PXDN: variants seen among roughly 807,000 people sequenced by gnomAD.
The protein encoded by PXDN is peroxidasin, also known as peroxidasin homolog.
Under a neutral mutation model 140.3 loss-of-function variants are expected in PXDN, and 77 were observed. The ratio of observed to expected loss-of-function variants is 0.55; its 90% CI spans 0.46 to 0.66. The LOEUF (loss-of-function observed/expected upper bound fraction) is 0.66. PXDN is among the 30% of genes least tolerant of loss of function. The pLI, the probability that PXDN is intolerant of heterozygous loss-of-function variation, is 0.00. For missense variants in PXDN, 1,838 were observed against 2,039.5 expected (o/e 0.90, Z 1.90); for synonymous variants, 911 against 857.4 (o/e 1.06, Z -1.09).
At chr2:1,653,277 C>G (rs1683055441) in intron 16 of PXDN, 2 of 355,662 alleles carry the variant, frequency 5.6e-6, no homozygotes, top group Admixed American at 3.8e-5. Flanking sequence ...ACTCAGGGAG[C>G]AAGCACGCTG....
At chr2:1,672,570 T>C (rs952468065) in intron 9 of PXDN, among the ~76,000 whole-genome samples, 5 of 152,224 alleles carry the variant, frequency 3.3e-5, no homozygotes, top group Non-Finnish European at 7.3e-5. Context: ...GTGCTAAACA[T>C]GTGGAACGTT....
chr2:1,634,115 T>C lies in PXDN; in HGVS notation c.*89A>G. ...ATGAAATGTCACGAGTTCTGGGTGTTTCCTGGTCTGCAGTCCGCAGCTCCC... is the reference window on the plus strand; with the variant it reads ...ATGAAATGTCACGAGTTCTGGGTGTCTCCTGGTCTGCAGTCCGCAGCTCCC... On this transcript the variant is annotated 3_prime_UTR_variant, in exon 23 of 23. Transcript: ENST00000252804. 6 of 1,512,234 alleles carry C rather than the reference T, an allele frequency of 4.0e-6. No homozygotes were observed. Among genetic ancestry groups the C allele is most frequent in the Non-Finnish European group, 5.4e-6 (6 of 1,120,250 alleles). The allele number at this position is 1,512,234 out of a possible 1,614,324, so 93.7% of individuals were successfully genotyped here. A position where few individuals can be genotyped will look rare whatever the true frequency, so the allele number is the denominator to read the frequency against.
At chr2:1,691,470 A>G (rs559263873) in intron 3 of PXDN, among the ~76,000 whole-genome samples, 3 of 152,376 alleles carry the variant, frequency 2.0e-5, no homozygotes, top group South Asian at 2.1e-4. Flanking sequence ...GGAGACAGGA[A>G]AATCTGCAGG....
rs113304772 is a variant in PXDN, at chr2:1,706,679, C to T, written c.201-13545G>A. Among the ~76,000 whole-genome samples, 3 of 81,532 alleles carry T rather than the reference C, an allele frequency of 3.7e-5. 1 individual carries two copies. Among genetic ancestry groups the T allele is most frequent in the Admixed American group, 2.0e-4 (2 of 10,080 alleles). 53.5% of individuals were successfully genotyped at this position (81,532 alleles called of 152,430 possible). Reference sequence around the variant, plus strand: ...GTGTTCACCAATCAGCTCTAAGCATCGCCTGCCCCACTAATAATACAACCT... The same window carrying T: ...GTGTTCACCAATCAGCTCTAAGCATTGCCTGCCCCACTAATAATACAACCT... On this transcript the variant is annotated intron_variant, in intron 1 of 22. Transcript: ENST00000252804.
chr2:1,729,318 C>T (rs576523356), intron 1 of PXDN, among the ~76,000 whole-genome samples: 43 of 152,260 alleles, frequency 2.8e-4, no homozygotes, highest in African/African-American at 1.0e-3. Flanking sequence ...GGGTCAGAGA[C>T]GGTGCCTTCA....
At position 1,716,476 on chromosome 2, in the gene PXDN, G is replaced by T. The variant is rs1684899117; in HGVS notation, c.201-23342C>A. 2.7e-5 allele frequency among the ~76,000 whole-genome samples: 4 copies of T among 145,942 alleles called. No individual in the cohort carries two copies. The South Asian group carries it at 8.7e-4, about 32-fold the overall frequency. ...AAAAAAAAAAAAAAAAAAAACCAGGGTGGCAACATCGCCTGCCTCCCAGGA... is the reference window on the plus strand; with the variant it reads ...AAAAAAAAAAAAAAAAAAAACCAGGTTGGCAACATCGCCTGCCTCCCAGGA... On this transcript the variant is annotated intron_variant, in intron 1 of 22. Transcript: ENST00000252804.
intron 1 of PXDN, among the ~76,000 whole-genome samples, chr2:1,741,252 C>T (rs936920942): frequency 6.6e-6 from 1 of 152,150 alleles, no homozygotes; most frequent in African/African-American, 2.4e-5. Flanking sequence ...CATACTTTAT[C>T]TTTAATACTA....
intron 14 of PXDN, among the ~76,000 whole-genome samples, chr2:1,655,315 A>G (rs1487421216): frequency 6.6e-6 from 1 of 151,544 alleles, no homozygotes; most frequent in African/African-American, 2.4e-5. Flanking sequence ...CATCACACAC[A>G]CGCCACACAC....
intron 19 of PXDN, among the ~76,000 whole-genome samples, chr2:1,642,799 C>G (rs1010490727): frequency 9.2e-5 from 14 of 152,336 alleles, no homozygotes; most frequent in African/African-American, 3.1e-4. Flanking sequence ...AGCTGGCACT[C>G]CAGGGCACGA....
chr2:1,638,775 A>C, intron 21 of PXDN, 71 bp downstream of exon 21: 1 of 1,600,432 alleles, frequency 6.2e-7, no homozygotes, highest in East Asian at 2.2e-5. Context: ...TGCTATACCC[A>C]GAAGGTTCGG....
intron 21 of PXDN, 57 bp from the exon 22 acceptor site, chr2:1,635,578 C>T: frequency 8.0e-7 from 1 of 1,246,042 alleles, no homozygotes; most frequent in South Asian, 1.3e-5. Flanking sequence ...CAGCTTGGCT[C>T]TTGTATTAAA....
chr2:1,638,999 G>T, intron 20 of PXDN, 21 bp from the exon 21 acceptor site: 7 of 1,612,764 alleles, frequency 4.3e-6, no homozygotes, highest in African/African-American at 4.0e-5. Flanking sequence ...GGGAAAGGAG[G>T]AGGAGGGAAA....
intron 9 of PXDN, among the ~76,000 whole-genome samples, chr2:1,669,297 T>C (rs1683520242): frequency 6.6e-6 from 1 of 151,834 alleles, no homozygotes; most frequent in African/African-American, 2.4e-5. Context: ...CCAGGGCCTG[T>C]CGGGGGGTTG....
chr2:1,638,066 C>G (rs1682617752), intron 21 of PXDN, among the ~76,000 whole-genome samples: 1 of 152,156 alleles, frequency 6.6e-6, no homozygotes. Flanking sequence ...TGGGGCTACA[C>G]TAGGAGATGA....
intron 1 of PXDN, among the ~76,000 whole-genome samples, chr2:1,716,818 G>A (rs759623327): frequency 6.6e-6 from 1 of 152,164 alleles, no homozygotes; most frequent in Admixed American, 6.6e-5. Flanking sequence ...AACATGAGGG[G>A]CTGGAAAATG....
chr2:1,657,090 GC>G (rs145551775), intron 14 of PXDN, among the ~76,000 whole-genome samples: 1 of 150,880 alleles, frequency 6.6e-6, no homozygotes, highest in African/African-American at 2.4e-5. Flanking sequence ...GCTGGGACCT[GC>G]CCCCTCCTGA....
intron 1 of PXDN, among the ~76,000 whole-genome samples, chr2:1,710,951 T>C (rs1684754612): frequency 8.8e-6 from 1 of 114,110 alleles, no homozygotes; most frequent in African/African-American, 3.6e-5. Context: ...GAACACCCGC[T>C]CCACCAGTAC....
At chr2:1,744,619 C>T (rs1036257968), upstream of PXDN, 2 of 592,626 alleles carry the variant, frequency 3.4e-6, no homozygotes, top group African/African-American at 2.0e-5. Flanking sequence ...TCCCCGAGGG[C>T]GGGGCGGGGC....
At chr2:1,729,332 CCT>C (rs1685260651) in intron 1 of PXDN, among the ~76,000 whole-genome samples, 1 of 152,170 alleles carries the variant, frequency 6.6e-6, no homozygotes, top group South Asian at 2.1e-4. Context: ...GCCTTCAGCC[CCT>C]GACCCTCCCT....
Sources: gnomAD v4.1 joint callset for allele counts (sites outside exome capture counted in the v4.1 genomes callset) on GRCh38, gnomAD v4.1.1 for gene constraint, MANE v1.5 for transcripts, NCBI Gene and HGNC (gene_info 2026-07-23, HGNC 2026-07-21) for gene names.